PBRM1: variants seen among roughly 807,000 people sequenced by gnomAD.
The protein encoded by PBRM1 is polybromo 1.
A neutral mutation model predicts 194.5 loss-of-function variants in PBRM1; 27 were observed. The observed-to-expected ratio is 0.14, with a 90% CI of 0.10 to 0.19. The LOEUF is 0.19. Ranked by LOEUF, PBRM1 falls within the 10% of genes least tolerant of loss-of-function variation. The pLI, the probability that PBRM1 is intolerant of heterozygous loss-of-function variation, is 1.00. For synonymous variants in PBRM1, 655 were observed against 693.2 expected (o/e 0.94, Z 0.87); for missense variants, 1,466 against 2,077.2 (o/e 0.71, Z 5.72).
chr3:52,625,830 G>A (rs950353903), intron 13 of PBRM1, among the ~76,000 whole-genome samples: 13 of 151,920 alleles, frequency 8.6e-5, no homozygotes, highest in Non-Finnish European at 2.9e-5. Flanking sequence ...CACCTGGCTC[G>A]GCCTCCCAAA....
Position 52,658,318 on chromosome 3 carries a change from G to C in PBRM1, c.529-3C>G, listed in dbSNP as rs1338296790. 1 of 1,518,386 alleles carries C rather than the reference G, an allele frequency of 6.6e-7. No homozygotes were observed. Among genetic ancestry groups the C allele is most frequent in the Non-Finnish European group, 9.1e-7 (1 of 1,094,812 alleles). 94.1% of individuals were successfully genotyped at this position (1,518,386 alleles called of 1,614,324 possible). A position where few individuals can be genotyped will look rare whatever the true frequency, so the allele number is the denominator to read the frequency against. On this transcript the variant is annotated splice_region_variant and splice_polypyrimidine_tract_variant and intron_variant, in intron 4 of 29. Coordinates refer to ENST00000296302, the Ensembl canonical transcript of PBRM1. Reference sequence around the variant, plus strand: ...TCCTTCAAGTAAGCTGGAGAAGACTGGTAATGTGGAGAAAAAAGTACTTTC... The same window carrying C: ...TCCTTCAAGTAAGCTGGAGAAGACTCGTAATGTGGAGAAAAAAGTACTTTC...
At chr3:52,591,222 C>G (rs972412350) in intron 17 of PBRM1, among the ~76,000 whole-genome samples, 1 of 152,142 alleles carries the variant, frequency 6.6e-6, no homozygotes, top group Non-Finnish European at 1.5e-5. Context: ...TTTGACTTCC[C>G]TCTTCCTATT....
chr3:52,557,289 G>A (rs2082421718), intron 26 of PBRM1, among the ~76,000 whole-genome samples: 1 of 152,160 alleles, frequency 6.6e-6, no homozygotes, highest in Non-Finnish European at 1.5e-5. Context: ...AGTTAGGAGC[G>A]ACAATGGAAA....
chr3:52,643,216 T>C (rs1450839182), intron 9 of PBRM1, 32 bp downstream of exon 10: 1 of 1,438,984 alleles, frequency 6.9e-7, no homozygotes, highest in South Asian at 1.1e-5. Context: ...TAAGCACAGG[T>C]CAACTCTCAG....
At chr3:52,627,244 A>T in intron 13 of PBRM1, 29 bp downstream of exon 14, 1 of 1,224,656 alleles carries the variant, frequency 8.2e-7, no homozygotes, top group Non-Finnish European at 1.2e-6. Context: ...AGGAACTGAG[A>T]TGTCCCCAGC....
intron 12 of PBRM1, among the ~76,000 whole-genome samples, chr3:52,627,783 C>G (rs2095491631): frequency 6.6e-6 from 1 of 152,206 alleles, no homozygotes; most frequent in Non-Finnish European, 1.5e-5. Context: ...GAAAGATCTA[C>G]TTTTCAACAC....
intron 10 of PBRM1, among the ~76,000 whole-genome samples, chr3:52,636,756 C>CAAAA (rs2095831175): frequency 3.9e-5 from 1 of 25,626 alleles, no homozygotes; most frequent in Non-Finnish European, 6.4e-5. Context: ...AACTCTGTCT[C>CAAAA]CAAAAAAAAA....
chr3:52,595,955 G>A (rs755065939), intron 17 of PBRM1, among the ~76,000 whole-genome samples: 4 of 152,074 alleles, frequency 2.6e-5, no homozygotes, highest in African/African-American at 4.8e-5. Context: ...CACTGTAGAC[G>A]TATGGATTTG....
intron 13 of PBRM1, among the ~76,000 whole-genome samples, chr3:52,618,788 G>A (rs1434070241): frequency 6.6e-6 from 1 of 151,226 alleles, no homozygotes. Context: ...TTTCACTCTT[G>A]TTGCCCAGGC....
At chr3:52,601,763 G>A (rs1175944859) in intron 17 of PBRM1, among the ~76,000 whole-genome samples, 3 of 152,170 alleles carry the variant, frequency 2.0e-5, no homozygotes, top group Non-Finnish European at 4.4e-5. Flanking sequence ...TGCCAGGAAT[G>A]GCAGCAGTGG....
chr3:52,561,087 A>T (rs900923808), intron 25 of PBRM1, among the ~76,000 whole-genome samples: 21 of 152,010 alleles, frequency 1.4e-4, no homozygotes, highest in Middle Eastern at 3.4e-3. Flanking sequence ...TCTGATATTT[A>T]AAAAAAACCC....
Position 52,629,895 on chromosome 3 carries a change from T to A in PBRM1, c.1302-860A>T, listed in dbSNP as rs1205220769. Among the ~76,000 whole-genome samples the A allele has an allele frequency of 2.0e-5, 3 of 152,362 alleles. No individual in the cohort carries two copies. In the East Asian group the frequency reaches 5.8e-4, roughly 29 times the overall value. ...ATTTTCTCTTAGAATGGCATCTGCA[T>A]GTAAAGTTTTATTTAAAATTTACCA... On this transcript the variant is annotated intron_variant, in intron 11 of 29. Coordinates refer to ENST00000296302, the Ensembl canonical transcript of PBRM1.
At chr3:52,550,095 G>C (rs1381970883) in intron 29 of PBRM1, among the ~76,000 whole-genome samples, 2 of 152,090 alleles carry the variant, frequency 1.3e-5, no homozygotes, top group Non-Finnish European at 2.9e-5. Flanking sequence ...GCATGTGCCT[G>C]TAATCCCAGC....
At chr3:52,579,373 C>T in intron 20 of PBRM1, 174 bp from the exon 23 acceptor site, 1 of 612,056 alleles carries the variant, frequency 1.6e-6, no homozygotes, top group Non-Finnish European at 2.9e-6. Context: ...ATCGCTTGAG[C>T]CCAAGAGTTT....
rs147213782 is a variant in PBRM1 at position 52,568,290 on chromosome 3, T to C, written c.3692-4057A>G. ...CATCACACTGGGCCCTAGTAATTTA[T>C]TTCTGCTCTCCTTTATTTTCTTTGC... On this transcript the variant is annotated intron_variant, in intron 22 of 29. Transcript: ENST00000296302. Among the ~76,000 whole-genome samples the C allele has an allele frequency of 3.2e-3, 488 of 152,316 alleles. 2 individuals are homozygous for C. Among genetic ancestry groups the C allele is most frequent in the African/African-American group, 0.011 (457 of 41,590 alleles).
rs562316563 is a variant in PBRM1 at position 52,621,093 on chromosome 3, T to C, written c.1542-3555A>G. Among the ~76,000 whole-genome samples the C allele has an allele frequency of 2.4e-4, 37 of 152,330 alleles. No individual in the cohort carries two copies. In the South Asian group the frequency reaches 3.1e-3, roughly 13 times the overall value. ...ATATGGAGGCTGAGCCTTATATCCA[T>C]GACTTCTGAAAGTTTAAAATACTTT... On this transcript the variant is annotated intron_variant, in intron 13 of 29. Transcript: ENST00000296302.
At chr3:52,606,612 G>T (rs767503575) in intron 16 of PBRM1, among the ~76,000 whole-genome samples, 2 of 152,166 alleles carry the variant, frequency 1.3e-5, no homozygotes, top group Non-Finnish European at 2.9e-5. Flanking sequence ...AGTCTACGAG[G>T]TCAGGTATTC....
At chr3:52,647,615 G>A (rs2096358579) in intron 7 of PBRM1, among the ~76,000 whole-genome samples, 1 of 151,500 alleles carries the variant, frequency 6.6e-6, no homozygotes. Context: ...AAAATACAGT[G>A]TATATCCCTA....
intron 7 of PBRM1, among the ~76,000 whole-genome samples, chr3:52,646,773 G>C (rs996101575): frequency 6.6e-6 from 1 of 152,124 alleles, no homozygotes; most frequent in African/African-American, 2.4e-5. Flanking sequence ...CTGGATCAAA[G>C]ATCTAAGTAC....
Sources: allele counts gnomAD v4.1 joint callset (sites outside exome capture counted in the v4.1 genomes callset), GRCh38; gene constraint gnomAD v4.1.1; transcripts MANE v1.5; gene names NCBI Gene and HGNC (gene_info 2026-07-23, HGNC 2026-07-21).